Variants in HYAL4 observed in about 807,000 individuals in gnomAD.
HYAL4 encodes hyaluronidase 4, also known as hyaluronidase-4.
In HYAL4, 37 loss-of-function variants were observed where a neutral mutation model predicts 35.2. The observed-to-expected ratio is 1.05, with a 90% CI of 0.81 to 1.38. The LOEUF is 1.38. Among genes scored for constraint, HYAL4 ranks in the 40% most tolerant of loss-of-function variants. The probability of loss-of-function intolerance (pLI) is 0.00; values close to 1 mark genes in which losing one functional copy is unlikely to be tolerated. For synonymous variants in HYAL4, 198 were observed against 203.2 expected (o/e 0.97, Z 0.22); for missense variants, 572 against 572.4 (o/e 1.00, Z 0.01).
intron 1 of HYAL4, among the ~76,000 whole-genome samples, chr7:123,835,555 A>AT (rs1195315441): frequency 6.6e-6 from 1 of 151,318 alleles, no homozygotes. Flanking sequence ...TATCTTTTGT[A>AT]TTTTTTTGTT....
chr7:123,873,318 A>T (rs1806931308), intron 3 of HYAL4, among the ~76,000 whole-genome samples: 2 of 152,074 alleles, frequency 1.3e-5, no homozygotes, highest in African/African-American at 4.8e-5. Flanking sequence ...AATCATAGGG[A>T]ATGAAAATGG....
At chr7:123,843,813 A>G (rs1806117453), upstream of HYAL4, among the ~76,000 whole-genome samples, 2 of 151,864 alleles carry the variant, frequency 1.3e-5, no homozygotes, top group Admixed American at 1.3e-4. Context: ...TGCATCCGTC[A>G]TGAAGTTCTT....
chr7:123,834,229 T>C (rs1805926904), intron 1 of HYAL4, among the ~76,000 whole-genome samples: 1 of 152,164 alleles, frequency 6.6e-6, no homozygotes, highest in Non-Finnish European at 1.5e-5. Flanking sequence ...TGGGATGTGT[T>C]TCTTTTTGTT....
At chr7:123,797,935 T>A in the HYAL4 span, among the ~76,000 whole-genome samples, 1 of 152,096 alleles carries the variant, frequency 6.6e-6, no homozygotes, top group Non-Finnish European at 1.5e-5. Context: ...CCTATGGCAA[T>A]AATAATAATT....
the HYAL4 span, among the ~76,000 whole-genome samples, chr7:123,778,273 A>G: frequency 2.6e-5 from 4 of 152,132 alleles, no homozygotes; most frequent in African/African-American, 7.2e-5. Context: ...AAATACATCA[A>G]TGAGCATTTC....
intron 2 of HYAL4, among the ~76,000 whole-genome samples, chr7:123,850,427 G>T (rs1473877677): frequency 6.6e-6 from 1 of 152,114 alleles, no homozygotes; most frequent in African/African-American, 2.4e-5. Flanking sequence ...TTTTTGTAAA[G>T]ACAGGGTTTT....
At chr7:123,818,657 A>G in the HYAL4 span, among the ~76,000 whole-genome samples, 1 of 152,212 alleles carries the variant, frequency 6.6e-6, no homozygotes, top group Non-Finnish European at 1.5e-5. Flanking sequence ...TGTTTAGAAT[A>G]TTGCCTGGAA....
the HYAL4 span, among the ~76,000 whole-genome samples, chr7:123,776,320 A>G: frequency 6.6e-6 from 1 of 152,170 alleles, no homozygotes. Flanking sequence ...CTAGAAATCA[A>G]TGCAACGATG....
intron 1 of HYAL4, among the ~76,000 whole-genome samples, chr7:123,833,126 G>A (rs1293539804): frequency 1.3e-5 from 2 of 152,274 alleles, no homozygotes; most frequent in African/African-American, 4.8e-5. Context: ...ACAAATGGTA[G>A]TTCTACTTTT....
At chr7:123,810,608 A>G in the HYAL4 span, among the ~76,000 whole-genome samples, 1 of 152,184 alleles carries the variant, frequency 6.6e-6, no homozygotes, top group Non-Finnish European at 1.5e-5. Flanking sequence ...CTTCCCTGCT[A>G]TTGACATGTC....
intron 3 of HYAL4, 102 bp from the exon 4 acceptor site, chr7:123,874,659 C>A (rs1806964570): frequency 3.0e-6 from 2 of 665,652 alleles, no homozygotes; most frequent in South Asian, 3.5e-5. Context: ...CCCGCCTGGG[C>A]CTCCCAAAGT....
chr7:123,868,226 T>C lies in HYAL4; in HGVS notation c.-48T>C, dbSNP rs748876073. On this transcript the variant is annotated 5_prime_UTR_variant, in exon 3 of 5. Coordinates refer to ENST00000223026, the MANE Select transcript of HYAL4 (RefSeq NM_012269.3). Reference sequence around the variant, plus strand: ...AGAAAATTAAATCTCTCCACAGGTCTTCTAGAGTGCACTAAAGCAGAAGAT... The same window carrying C: ...AGAAAATTAAATCTCTCCACAGGTCCTCTAGAGTGCACTAAAGCAGAAGAT... 56 of 1,057,306 alleles carry C rather than the reference T, an allele frequency of 5.3e-5. 2 individuals carry two copies. In the South Asian group the frequency reaches 8.9e-4, roughly 17 times the overall value. The allele number at this position is 1,057,306 out of a possible 1,614,324, so 65.5% of individuals were successfully genotyped here. A position where few individuals can be genotyped will look rare whatever the true frequency, so the allele number is the denominator to read the frequency against.
the HYAL4 span, among the ~76,000 whole-genome samples, chr7:123,778,268 C>T: frequency 6.6e-6 from 1 of 152,034 alleles, no homozygotes; most frequent in Non-Finnish European, 1.5e-5. Context: ...CTCCAAAATA[C>T]ATCAATGAGC....
chr7:123,780,839 T>C, the HYAL4 span, among the ~76,000 whole-genome samples: 1 of 142,850 alleles, frequency 7.0e-6, no homozygotes, highest in Non-Finnish European at 1.5e-5. Context: ...CGGTGCAAGA[T>C]GTGCTTTGTT....
intron 3 of HYAL4, among the ~76,000 whole-genome samples, chr7:123,874,202 A>C (rs980010458): frequency 6.6e-6 from 1 of 152,246 alleles, no homozygotes; most frequent in African/African-American, 2.4e-5. Context: ...CCTTCAATAT[A>C]ATATCCTGCA....
chr7:123,807,914 A>ATTATTATTATTATT, the HYAL4 span, among the ~76,000 whole-genome samples: 1 of 136,572 alleles, frequency 7.3e-6, no homozygotes, highest in Non-Finnish European at 1.5e-5. Flanking sequence ...TTAGCTGGAT[A>ATTATTATTATTATT]ATTATTATTA....
chr7:123,783,402 T>C, the HYAL4 span, among the ~76,000 whole-genome samples: 6 of 152,334 alleles, frequency 3.9e-5, no homozygotes, highest in South Asian at 1.0e-3. Flanking sequence ...ATTAATCTAG[T>C]GGTGGAACAC....
upstream of HYAL4, among the ~76,000 whole-genome samples, chr7:123,828,427 T>TACACAC (rs34327472): frequency 0.3 from 42,341 of 141,018 alleles, 6,574 homozygotes; most frequent in Non-Finnish European, 0.35. Flanking sequence ...TGTTCATAAT[T>TACACAC]ACACACACAC....
chr7:123,822,582 C>G, the HYAL4 span, among the ~76,000 whole-genome samples: 5 of 152,084 alleles, frequency 3.3e-5, no homozygotes, highest in East Asian at 1.9e-4. Context: ...TCATCTGCAG[C>G]AAGAATAATT....
Sources: allele counts gnomAD v4.1 joint callset (sites outside exome capture counted in the v4.1 genomes callset), GRCh38; gene constraint gnomAD v4.1.1; transcripts MANE v1.5; gene names NCBI Gene and HGNC (gene_info 2026-07-23, HGNC 2026-07-21).